Variants in HS6ST3 observed in about 807,000 individuals in gnomAD.
HS6ST3 encodes the protein heparan-sulfate 6-O-sulfotransferase 3.
HS6ST3 carries 12 observed loss-of-function variants against 36.7 expected under a neutral mutation model. That is an observed-to-expected ratio of 0.33 (90% confidence interval 0.21 to 0.53). The LOEUF is 0.53. Among genes scored for constraint, HS6ST3 ranks in the 20% least tolerant of loss-of-function variants. The pLI, the probability that HS6ST3 is intolerant of heterozygous loss-of-function variation, is 0.95. For missense variants in HS6ST3, 584 were observed against 640.9 expected, an observed-to-expected ratio of 0.91 and a Z score of 0.96; for synonymous variants, 240 against 257.5, an observed-to-expected ratio of 0.93 and a Z score of 0.65.
intron 1 of HS6ST3, among the ~76,000 whole-genome samples, chr13:96,333,122 G>T (rs569056767): frequency 6.6e-6 from 1 of 152,186 alleles, no homozygotes; most frequent in African/African-American, 2.4e-5. Context: ...ATAGCAGTGC[G>T]AATGGACCAA....
intron 1 of HS6ST3, among the ~76,000 whole-genome samples, chr13:96,707,226 T>G (rs1443179443): frequency 6.6e-6 from 1 of 152,098 alleles, no homozygotes. Flanking sequence ...AATGCCCTTA[T>G]AAGAAGAAAC....
At chr13:96,484,982 T>C (rs1192717143) in intron 1 of HS6ST3, among the ~76,000 whole-genome samples, 2 of 152,202 alleles carry the variant, frequency 1.3e-5, no homozygotes, top group Non-Finnish European at 2.9e-5. Context: ...CTTTTCTCCA[T>C]GTCCTCACCA....
chr13:96,669,610 C>T (rs1023534725), intron 1 of HS6ST3, among the ~76,000 whole-genome samples: 1 of 152,094 alleles, frequency 6.6e-6, no homozygotes, highest in Admixed American at 6.6e-5. Context: ...GGTGGTTCTT[C>T]AACTTTCCTA....
intron 1 of HS6ST3, among the ~76,000 whole-genome samples, chr13:96,452,524 A>G (rs972102703): frequency 8.0e-5 from 12 of 149,512 alleles, no homozygotes; most frequent in African/African-American, 2.5e-4. Flanking sequence ...CAAAAATGTG[A>G]ATTTTAAGAA....
chr13:96,617,257 C>A (rs898722506), intron 1 of HS6ST3, among the ~76,000 whole-genome samples: 1 of 152,188 alleles, frequency 6.6e-6, no homozygotes, highest in African/African-American at 2.4e-5. Context: ...AATGACATTT[C>A]ATTCCTTTAG....
chr13:96,246,088 A>G (rs1427686638), intron 1 of HS6ST3, among the ~76,000 whole-genome samples: 1 of 152,236 alleles, frequency 6.6e-6, no homozygotes, highest in Non-Finnish European at 1.5e-5. Context: ...TAGATTAAAT[A>G]ATATGTATGT....
At chr13:96,605,167 C>T (rs995420975) in intron 1 of HS6ST3, among the ~76,000 whole-genome samples, 1 of 152,010 alleles carries the variant, frequency 6.6e-6, no homozygotes, top group Admixed American at 6.6e-5. Flanking sequence ...AGTTCTAGGA[C>T]CTGAGGGTAT....
chr13:96,314,766 C>G (rs987167812), intron 1 of HS6ST3, among the ~76,000 whole-genome samples: 11 of 152,000 alleles, frequency 7.2e-5, no homozygotes, highest in Non-Finnish European at 1.0e-4. Context: ...AGGTTATGTA[C>G]AAAGGTAATA....
chr13:96,684,387 A>C (rs1874706770), intron 1 of HS6ST3, among the ~76,000 whole-genome samples: 1 of 152,060 alleles, frequency 6.6e-6, no homozygotes, highest in Admixed American at 6.6e-5. Context: ...CTTAAACATT[A>C]GTGTTAATAT....
At chr13:96,446,105 A>G (rs749218435) in intron 1 of HS6ST3, among the ~76,000 whole-genome samples, 35 of 149,044 alleles carry the variant, frequency 2.3e-4, no homozygotes, top group Admixed American at 8.7e-4. Context: ...CCCAGGAGGC[A>G]GAGCCTGCAG....
intron 1 of HS6ST3, among the ~76,000 whole-genome samples, chr13:96,444,568 T>C (rs1220782244): frequency 1.3e-5 from 2 of 152,250 alleles, no homozygotes; most frequent in Admixed American, 1.3e-4. Context: ...CTTAAAATTT[T>C]TATTTTTGTA....
intron 1 of HS6ST3, among the ~76,000 whole-genome samples, chr13:96,221,486 A>C (rs1363692070): frequency 2.6e-5 from 4 of 152,084 alleles, no homozygotes; most frequent in African/African-American, 9.7e-5. Context: ...ATATTTTTTG[A>C]GTGAATGTGA....
chr13:96,285,506 C>T (rs982173039), intron 1 of HS6ST3, among the ~76,000 whole-genome samples: 1 of 152,106 alleles, frequency 6.6e-6, no homozygotes, highest in African/African-American at 2.4e-5. Flanking sequence ...GGGAATTGGG[C>T]TCTTAGATTC....
intron 1 of HS6ST3, among the ~76,000 whole-genome samples, chr13:96,578,056 A>T (rs547070934): frequency 3.9e-5 from 6 of 152,336 alleles, no homozygotes; most frequent in Admixed American, 3.9e-4. Flanking sequence ...GGGCTGGTTA[A>T]GTGCAGCACC....
At chr13:96,675,320 ATTTATATGTGAACATATATG>A (rs2056695620) in intron 1 of HS6ST3, among the ~76,000 whole-genome samples, 1 of 152,130 alleles carries the variant, frequency 6.6e-6, no homozygotes, top group African/African-American at 2.4e-5. Context: ...TGACATATAT[ATTTATATGTGAACATATATG>A]TATGCATGTA....
chr13:96,094,350 G>A (rs1430454974), intron 1 of HS6ST3, among the ~76,000 whole-genome samples: 4 of 152,066 alleles, frequency 2.6e-5, no homozygotes, highest in African/African-American at 4.8e-5. Context: ...TAATTGCAAC[G>A]ATAGGTTCCC....
intron 1 of HS6ST3, among the ~76,000 whole-genome samples, chr13:96,610,137 T>C (rs1232172065): frequency 6.6e-6 from 1 of 152,172 alleles, no homozygotes; most frequent in African/African-American, 2.4e-5. Flanking sequence ...GCTCTTAAAG[T>C]TAATGGCTTC....
intron 1 of HS6ST3, among the ~76,000 whole-genome samples, chr13:96,522,376 C>T (rs1321130776): frequency 3.3e-5 from 5 of 152,180 alleles, no homozygotes; most frequent in African/African-American, 7.2e-5. Context: ...CTGCTTGGTC[C>T]AGAGCTGAGT....
intron 1 of HS6ST3, among the ~76,000 whole-genome samples, chr13:96,138,754 G>A (rs2054015244): frequency 6.6e-6 from 1 of 151,950 alleles, no homozygotes; most frequent in African/African-American, 2.4e-5. Context: ...TTAAAATAAT[G>A]CTTTTGAAAA....
Sources: allele counts gnomAD v4.1 joint callset (sites outside exome capture counted in the v4.1 genomes callset), GRCh38; gene constraint gnomAD v4.1.1; transcripts MANE v1.5; gene names NCBI Gene and HGNC (gene_info 2026-07-23, HGNC 2026-07-21).